The following SGCD variants were observed in gnomAD, a reference collection of about 807,000 sequenced individuals.
SGCD encodes the protein sarcoglycan delta, also known as delta-sarcoglycan.
Under a neutral mutation model 36.6 loss-of-function variants are expected in SGCD, and 18 were observed. The ratio of observed to expected loss-of-function variants is 0.49; its 90% CI spans 0.34 to 0.73. The LOEUF (loss-of-function observed/expected upper bound fraction) is 0.73. Ranked by LOEUF, SGCD falls within the 30% of genes least tolerant of loss-of-function variation. The probability of loss-of-function intolerance (pLI) is 0.01; values close to 1 mark genes in which losing one functional copy is unlikely to be tolerated. For synonymous variants in SGCD, 133 were observed against 130.6 expected (o/e 1.02, Z -0.12); for missense variants, 387 against 346.7 (o/e 1.12, Z -0.92).
chr5:155,749,952 C>A, the SGCD span, among the ~76,000 whole-genome samples: 2 of 152,176 alleles, frequency 1.3e-5, no homozygotes, highest in South Asian at 4.1e-4. Flanking sequence ...AGCAAATGTG[C>A]TTTGCTTTTG....
the SGCD span, among the ~76,000 whole-genome samples, chr5:155,735,344 A>G: frequency 6.6e-6 from 1 of 152,226 alleles, no homozygotes; most frequent in Non-Finnish European, 1.5e-5. Context: ...ATGTGATTTT[A>G]TCTGTACATC....
intron 3 of SGCD, among the ~76,000 whole-genome samples, chr5:156,169,114 A>C (rs1408525778): frequency 6.6e-6 from 1 of 152,254 alleles, no homozygotes; most frequent in Non-Finnish European, 1.5e-5. Context: ...TCAAAACATT[A>C]AAACTAATTG....
chr5:156,303,394 G>T (rs1023309039), intron 3 of SGCD, among the ~76,000 whole-genome samples: 3 of 152,040 alleles, frequency 2.0e-5, no homozygotes, highest in Non-Finnish European at 4.4e-5. Flanking sequence ...CTGTAACCAA[G>T]GGTGGTTCCA....
intron 3 of SGCD, among the ~76,000 whole-genome samples, chr5:156,166,357 C>T (rs1055056616): frequency 2.0e-5 from 3 of 152,160 alleles, no homozygotes; most frequent in Admixed American, 2.0e-4. Context: ...CGCTCTGTCA[C>T]CCAGGCTGGA....
At chr5:155,830,849 C>T in the SGCD span, among the ~76,000 whole-genome samples, 1 of 152,134 alleles carries the variant, frequency 6.6e-6, no homozygotes, top group South Asian at 2.1e-4. Flanking sequence ...ATTATTGGCC[C>T]TCTTTGTTTT....
In SGCD at chr5:156,487,209, T is replaced by A. The variant is rs1465046933; in HGVS notation, c.193-21392T>A. ...ACAGCTTTCACTAACAACTTCAGCC[T>A]AAGCCACTGACAGCATAACTTGCAG... On this transcript the variant is annotated intron_variant, in intron 3 of 8. Transcript: ENST00000337851. Among the ~76,000 whole-genome samples the A allele has an allele frequency of 3.9e-5, 6 of 152,184 alleles. No individual in the cohort carries two copies. In the East Asian group the frequency reaches 1.2e-3, roughly 29 times the overall value.
intron 1 of SGCD, among the ~76,000 whole-genome samples, chr5:155,919,291 G>T (rs115958203): frequency 5.3e-5 from 8 of 152,138 alleles, no homozygotes; most frequent in Admixed American, 2.0e-4. Context: ...ATTGAGTTAC[G>T]ACATGCACAT....
intron 1 of SGCD, among the ~76,000 whole-genome samples, chr5:155,894,156 C>T (rs1756197965): frequency 6.6e-6 from 1 of 152,040 alleles, no homozygotes; most frequent in Non-Finnish European, 1.5e-5. Context: ...GCCACTTAGG[C>T]CACACTAAGT....
At chr5:156,031,904 C>T (rs1204898916) in intron 1 of SGCD, among the ~76,000 whole-genome samples, 1 of 152,126 alleles carries the variant, frequency 6.6e-6, no homozygotes, top group Admixed American at 6.6e-5. Flanking sequence ...GAGCTAGGTG[C>T]TTATTAGGTG....
At chr5:156,023,024 T>C (rs1317142743) in intron 1 of SGCD, among the ~76,000 whole-genome samples, 1 of 152,170 alleles carries the variant, frequency 6.6e-6, no homozygotes, top group African/African-American at 2.4e-5. Context: ...AACTTAGAAT[T>C]AGAAAGAGCT....
intron 3 of SGCD, among the ~76,000 whole-genome samples, chr5:156,313,976 A>G (rs545422811): frequency 6.6e-6 from 1 of 152,108 alleles, no homozygotes; most frequent in South Asian, 2.1e-4. Flanking sequence ...TCACCTTTTT[A>G]TACGTCCTGA....
At chr5:156,252,299 A>C (rs1314182408) in intron 3 of SGCD, among the ~76,000 whole-genome samples, 36 of 151,642 alleles carry the variant, frequency 2.4e-4, no homozygotes, top group Admixed American at 2.2e-3. Flanking sequence ...GTGGTCTCGA[A>C]CTTCCAGCCT....
At chr5:156,416,554 A>C (rs1290503800) in intron 3 of SGCD, among the ~76,000 whole-genome samples, 1 of 152,188 alleles carries the variant, frequency 6.6e-6, no homozygotes, top group Admixed American at 6.5e-5. Context: ...GGGGGGGAAA[A>C]AAGTGCTTTG....
chr5:156,392,061 A>G (rs1273269099), intron 3 of SGCD, among the ~76,000 whole-genome samples: 1 of 152,234 alleles, frequency 6.6e-6, no homozygotes, highest in African/African-American at 2.4e-5. Flanking sequence ...CTCAAATGCA[A>G]GAAATACTAG....
chr5:156,093,184 C>T (rs1022844780), intron 1 of SGCD, among the ~76,000 whole-genome samples: 3 of 152,206 alleles, frequency 2.0e-5, no homozygotes, highest in African/African-American at 7.2e-5. Context: ...TTCCAATGGC[C>T]TTCCTTTCTA....
intron 3 of SGCD, among the ~76,000 whole-genome samples, chr5:156,231,016 A>C (rs920486755): frequency 2.0e-5 from 3 of 152,162 alleles, no homozygotes; most frequent in Non-Finnish European, 2.9e-5. Flanking sequence ...GGCTACAAGG[A>C]GGGTTGTTTC....
intron 3 of SGCD, among the ~76,000 whole-genome samples, chr5:156,264,658 T>C (rs1765956177): frequency 6.6e-6 from 1 of 152,112 alleles, no homozygotes; most frequent in Non-Finnish European, 1.5e-5. Flanking sequence ...CATTAGAAAG[T>C]ACTTAGCACA....
the SGCD span, among the ~76,000 whole-genome samples, chr5:155,825,738 TTTTG>T: frequency 0.039 from 5,336 of 135,308 alleles, 141 homozygotes; most frequent in East Asian, 0.093. Context: ...GTTTTTTTTT[TTTTG>T]TTGTTGTTGT....
chr5:156,535,318 A>G (rs948828621), intron 4 of SGCD, among the ~76,000 whole-genome samples: 1 of 152,204 alleles, frequency 6.6e-6, no homozygotes, highest in Non-Finnish European at 1.5e-5. Context: ...ATAGGTCCTG[A>G]TTATGCTGCT....
Sources: gnomAD v4.1 joint callset for allele counts (sites outside exome capture counted in the v4.1 genomes callset) on GRCh38, gnomAD v4.1.1 for gene constraint, MANE v1.5 for transcripts, NCBI Gene and HGNC (gene_info 2026-07-23, HGNC 2026-07-21) for gene names.